Variants in DOCK8 observed in about 807,000 individuals in gnomAD.
DOCK8 encodes the protein dedicator of cytokinesis protein 8.
A neutral mutation model predicts 245.6 loss-of-function variants in DOCK8; 141 were observed. The ratio of observed to expected loss-of-function variants is 0.57; its 90% CI spans 0.50 to 0.66. DOCK8 has a LOEUF of 0.66. DOCK8 is among the 30% of genes least tolerant of loss of function. The probability of loss-of-function intolerance (pLI) is 0.00; values close to 1 mark genes in which losing one functional copy is unlikely to be tolerated. For synonymous variants in DOCK8, 1,168 were observed against 970.2 expected (o/e 1.20, Z -3.79); for missense variants, 2,965 against 2,603.4 (o/e 1.14, Z -3.02).
At chr9:291,344 A>G (rs1183349334) in intron 4 of DOCK8, among the ~76,000 whole-genome samples, 1 of 152,238 alleles carries the variant, frequency 6.6e-6, no homozygotes, top group Non-Finnish European at 1.5e-5. Flanking sequence ...AGAAATAATT[A>G]TGAAACACAA....
chr9:315,430 T>C (rs1052311620), intron 6 of DOCK8, among the ~76,000 whole-genome samples: 4 of 152,228 alleles, frequency 2.6e-5, no homozygotes, highest in Admixed American at 6.5e-5. Flanking sequence ...ATGTGGACCT[T>C]GTTTGGATCT....
At chr9:337,739 G>A (rs1217288397) in intron 12 of DOCK8, among the ~76,000 whole-genome samples, 1 of 152,176 alleles carries the variant, frequency 6.6e-6, no homozygotes, top group Non-Finnish European at 1.5e-5. Context: ...GGGATAGAGG[G>A]GTGGGGAGTC....
At chr9:274,192 A>G (rs1432983858) in intron 2 of DOCK8, among the ~76,000 whole-genome samples, 1 of 152,332 alleles carries the variant, frequency 6.6e-6, no homozygotes, top group African/African-American at 2.4e-5. Flanking sequence ...AGTGACGTTA[A>G]CATGTGGCTT....
rs952548853 is a variant in DOCK8, at chr9:332,384, C to G, written c.1045-14C>G. 3 of 1,582,526 alleles carry G rather than the reference C, an allele frequency of 1.9e-6. No individual in the cohort carries two copies. In the African/African-American group the frequency reaches 4.0e-5, roughly 21 times the overall value. On this transcript the variant is annotated splice_polypyrimidine_tract_variant and intron_variant, in intron 9 of 47. Coordinates refer to ENST00000432829, the MANE Select transcript of DOCK8 (RefSeq NM_203447.4). ...AATTTATGTGCCTTATTTTAATATTCTTTTTATTGGTAGATTGAAAAAGTC... is the reference window on the plus strand; with the variant it reads ...AATTTATGTGCCTTATTTTAATATTGTTTTTATTGGTAGATTGAAAAAGTC...
chr9:371,685 T>C, intron 17 of DOCK8, 119 bp downstream of exon 17: 1 of 1,370,444 alleles, frequency 7.3e-7, no homozygotes, highest in Non-Finnish European at 1.0e-6. Flanking sequence ...TAGCAAAACA[T>C]GCTAAGCCAC....
Position 434,981 on chromosome 9 carries a change from G to GT in DOCK8, c.5079+7dup, listed in dbSNP as rs762095035. On this transcript the variant is annotated splice_region_variant and intron_variant, in intron 39 of 47. Coordinates refer to ENST00000432829, the MANE Select transcript of DOCK8 (RefSeq NM_203447.4). Reference sequence around the variant, plus strand: ...TGGGCAGTGTCAGCTTCCAGGTAGGGTGTGTGCAGCTTTTCCCTTAGAGCA... The same window carrying GT: ...TGGGCAGTGTCAGCTTCCAGGTAGGGTTGTGTGCAGCTTTTCCCTTAGAGCA... The GT allele has an allele frequency of 9.4e-5, 151 of 1,612,126 alleles. 1 individual carries two copies. Among genetic ancestry groups the GT allele is most frequent in the Middle Eastern group, 2.1e-4 (1 of 4,804 alleles).
chr9:298,275 A>G (rs1483039944), intron 4 of DOCK8, among the ~76,000 whole-genome samples: 1 of 152,120 alleles, frequency 6.6e-6, no homozygotes, highest in East Asian at 1.9e-4. Flanking sequence ...AAATACAAAA[A>G]TTAGCTGGGT....
intron 5 of DOCK8, among the ~76,000 whole-genome samples, chr9:305,975 C>T (rs66756511): frequency 0.036 from 5,490 of 152,166 alleles, 223 homozygotes; most frequent in African/African-American, 0.096. Flanking sequence ...AGAGTTTCGG[C>T]ATCCCAAGAT....
intron 24 of DOCK8, among the ~76,000 whole-genome samples, chr9:395,756 A>G (rs534732199): frequency 2.4e-4 from 37 of 152,156 alleles, no homozygotes; most frequent in Non-Finnish European, 4.7e-4. Context: ...GGCCCCAAGA[A>G]GATGTCCAAA....
At chr9:253,374 G>A (rs746215546) in intron 1 of DOCK8, among the ~76,000 whole-genome samples, 4 of 152,118 alleles carry the variant, frequency 2.6e-5, no homozygotes, top group Admixed American at 6.5e-5. Flanking sequence ...TTTAAATGGT[G>A]ACCTACTGCC....
chr9:399,282 C>G (rs572523969), intron 26 of DOCK8, 23 bp downstream of exon 26: 3 of 1,435,014 alleles, frequency 2.1e-6, no homozygotes, highest in African/African-American at 3.2e-5. Flanking sequence ...CCCACCCCCA[C>G]CCCCGAGCGA....
intron 23 of DOCK8, among the ~76,000 whole-genome samples, chr9:387,773 G>C (rs904846961): frequency 3.3e-5 from 5 of 152,188 alleles, no homozygotes; most frequent in African/African-American, 1.2e-4. Flanking sequence ...GGCTATCACA[G>C]GCCCTATGCA....
chr9:214,163 G>A (rs2046677923), upstream of DOCK8: 1 of 311,816 alleles, frequency 3.2e-6, no homozygotes, highest in African/African-American at 2.3e-5. Context: ...TCAACACTGG[G>A]ACTTTTCTGT....
At chr9:397,611 G>T (rs572973979) in intron 25 of DOCK8, among the ~76,000 whole-genome samples, 31 of 147,096 alleles carry the variant, frequency 2.1e-4, no homozygotes, top group African/African-American at 6.8e-4. Context: ...AATCGCTTGA[G>T]CCCAGGAGGC....
intron 1 of DOCK8, among the ~76,000 whole-genome samples, chr9:268,747 C>T (rs557130964): frequency 1.2e-4 from 18 of 152,284 alleles, no homozygotes; most frequent in African/African-American, 4.1e-4. Context: ...AAGGCTTTGG[C>T]TTGGTTGTGT....
chr9:455,032 A>G (rs559940870), intron 46 of DOCK8, among the ~76,000 whole-genome samples: 24 of 152,338 alleles, frequency 1.6e-4, no homozygotes, highest in African/African-American at 5.5e-4. Flanking sequence ...TCAAAATCAA[A>G]TTCACCATTT....
intron 27 of DOCK8, among the ~76,000 whole-genome samples, chr9:406,473 T>G: frequency 7.8e-6 from 1 of 127,942 alleles, no homozygotes; most frequent in African/African-American, 3.1e-5. Context: ...GGTAACAGAG[T>G]GACACTCTGT....
intron 2 of DOCK8, among the ~76,000 whole-genome samples, chr9:276,563 T>G (rs907960841): frequency 2.0e-5 from 3 of 152,218 alleles, no homozygotes; most frequent in Non-Finnish European, 4.4e-5. Context: ...GATGTGATGA[T>G]AAACTTGTCC....
intron 12 of DOCK8, 115 bp downstream of exon 12, chr9:336,833 C>T: frequency 7.2e-6 from 9 of 1,252,436 alleles, no homozygotes; most frequent in Non-Finnish European, 9.3e-6. Flanking sequence ...AGCTCACTCT[C>T]TTAGTTCATT....
Sources: gnomAD v4.1 joint callset for allele counts (sites outside exome capture counted in the v4.1 genomes callset) on GRCh38, gnomAD v4.1.1 for gene constraint, MANE v1.5 for transcripts, NCBI Gene and HGNC (gene_info 2026-07-23, HGNC 2026-07-21) for gene names.